The following GOLGA2 variants were observed in gnomAD, a reference collection of about 807,000 sequenced individuals.
GOLGA2 encodes golgin A2, also known as golgin subfamily A member 2.
A neutral mutation model predicts 148.8 loss-of-function variants in GOLGA2; 49 were observed. That is an observed-to-expected ratio of 0.33 (90% CI 0.26 to 0.42). GOLGA2 has a LOEUF of 0.42. Ranked by LOEUF, GOLGA2 falls within the 10% of genes least tolerant of loss-of-function variation. The pLI, the probability that GOLGA2 is intolerant of heterozygous loss-of-function variation, is 1.00. For missense variants in GOLGA2, 1,178 were observed against 1,304.6 expected, an observed-to-expected ratio of 0.90 and a Z score of 1.49; for synonymous variants, 501 against 511.8, an observed-to-expected ratio of 0.98 and a Z score of 0.28.
At position 128,263,040 on chromosome 9, in the gene GOLGA2, T is replaced by G. The variant is rs760564149; in HGVS notation, c.986A>C (p.Lys329Thr). The part of the protein sequence containing the change: ...ERDALRLELY[K>T]NTQSNEDLKQ... ...CCACCATCCCCCATCCTACGTGTTC[T>G]TGTATAACTCCAGCCTGAGGGCGTC... Residue 329 changes from lysine to threonine, a missense_variant, in exon 13 of 27, where the codon AAG becomes ACG. Coordinates refer to ENST00000611957, the MANE Select transcript of GOLGA2 (RefSeq NM_001366244.2). 6.2e-7 allele frequency: 1 copy of G among 1,605,974 alleles called. No homozygotes were observed. The highest frequency in any genetic ancestry group is 2.2e-5 in the East Asian group (1 of 44,834).
chr9:128,268,943 A>G (rs562689402), intron 3 of GOLGA2, among the ~76,000 whole-genome samples: 1 of 152,140 alleles, frequency 6.6e-6, no homozygotes, highest in South Asian at 2.1e-4. Flanking sequence ...GGTGATGAGG[A>G]AGTAGTTGTC....
chr9:128,264,491 G>C (rs111682691), intron 12 of GOLGA2, among the ~76,000 whole-genome samples: 5,487 of 151,884 alleles, frequency 0.036, 307 homozygotes, highest in African/African-American at 0.13. Flanking sequence ...GCAGTGGCAC[G>C]ATCTCAGCTC....
Position 128,260,474 on chromosome 9 carries a change from A to AAATC in GOLGA2, c.1745_1748dup (p.Phe583LeufsTer7). On this transcript the variant is annotated frameshift_variant, in exon 18 of 27. Transcript: ENST00000611957. LOFTEE classifies it high-confidence loss of function. The surrounding 1 kb of genome is among the most constrained non-coding windows in gnomAD (Gnocchi z 4.8). ...AGGTGGGGCAGCGCACCAGCTTTACAAATCCGCTCTGCAGCTCAGCCAGCT... is the reference window on the plus strand; with the variant it reads ...AGGTGGGGCAGCGCACCAGCTTTACAAATCAATCCGCTCTGCAGCTCAGCCAGCT... The AAATC allele has an allele frequency of 6.2e-7, 1 of 1,609,306 alleles. No individual in the cohort carries two copies. Among genetic ancestry groups the AAATC allele is most frequent in the Non-Finnish European group, 8.5e-7 (1 of 1,176,842 alleles).
At chr9:128,275,761 T>C in intron 1 of GOLGA2, 132 bp downstream of exon 1, 3 of 592,530 alleles carry the variant, frequency 5.1e-6, no homozygotes, top group Non-Finnish European at 8.7e-6. Context: ...AAGACTTTGG[T>C]GGAGGGAGCC....
rs1016094136 is a variant in GOLGA2 at position 128,258,837 on chromosome 9, T to C, written c.2173+170A>G. Reference sequence around the variant, plus strand: ...CACCCATCCTTAGGTAAGCTGGTAGTGCCCTGCTCCCAGGAAGTCACCATA... The same window carrying C: ...CACCCATCCTTAGGTAAGCTGGTAGCGCCCTGCTCCCAGGAAGTCACCATA... On this transcript the variant is annotated intron_variant, in intron 21 of 26. Coordinates refer to ENST00000611957, the MANE Select transcript of GOLGA2 (RefSeq NM_001366244.2). This position sits in a 1 kb window ranked among gnomAD's most constrained non-coding sequence, Gnocchi z 6.6. 4.4e-5 allele frequency: 28 copies of C among 634,958 alleles called. No individual in the cohort carries two copies. The highest frequency in any genetic ancestry group is 6.6e-5 in the Non-Finnish European group (24 of 361,422). 39.3% of individuals were successfully genotyped at this position (634,958 alleles called of 1,614,324 possible). A position where few individuals can be genotyped will look rare whatever the true frequency, so the allele number is the denominator to read the frequency against.
At position 128,259,065 on chromosome 9, in the gene GOLGA2, G is replaced by A; in HGVS notation, c.2115C>T (p.Ala705=). ...CCCGTAGCTGCTGATTCTGCTGGGT[G>A]GCAGCTTCCAGGCGCTCCTAAGGGG... ...LQETQERLEA[A]TQQNQQLRAQ... is the part of the protein sequence containing the mutation. Residue 705 remains alanine, a synonymous_variant, in exon 21 of 27, where the codon GCC becomes GCT. Transcript: ENST00000611957. The A allele has an allele frequency of 1.8e-5, 29 of 1,611,882 alleles. No individual in the cohort carries two copies. Among genetic ancestry groups the A allele is most frequent in the Non-Finnish European group, 2.4e-5 (28 of 1,179,014 alleles).
intron 3 of GOLGA2, among the ~76,000 whole-genome samples, chr9:128,269,905 C>T (rs1830828504): frequency 6.6e-6 from 1 of 152,168 alleles, no homozygotes; most frequent in Admixed American, 6.5e-5. Flanking sequence ...GCTGCCTTTG[C>T]ATCTTTGCAA....
intron 1 of GOLGA2, among the ~76,000 whole-genome samples, chr9:128,274,847 C>T (rs1831210178): frequency 6.6e-6 from 1 of 152,082 alleles, no homozygotes; most frequent in African/African-American, 2.4e-5. Context: ...CCGTATTTAT[C>T]CTGTGGCACT....
rs748491088 is a variant in GOLGA2 at position 128,261,437 on chromosome 9, GA to G, written c.1332+16del. 6.9e-6 allele frequency: 10 copies of G among 1,445,322 alleles called. No individual in the cohort carries two copies. In the East Asian group the frequency reaches 2.3e-4, roughly 33 times the overall value. The allele number at this position is 1,445,322 out of a possible 1,614,324, so 89.5% of individuals were successfully genotyped here. A position where few individuals can be genotyped will look rare whatever the true frequency, so the allele number is the denominator to read the frequency against. ...ACCTATCTAAGGTTGAGGGGGAGCT[GA>G]AGGGTCAGGTCTCACCTGCTCTGAC... On this transcript the variant is annotated intron_variant, in intron 16 of 26. Coordinates refer to ENST00000611957, the MANE Select transcript of GOLGA2 (RefSeq NM_001366244.2). This position sits in a 1 kb window ranked among gnomAD's most constrained non-coding sequence, Gnocchi z 5.7.
At position 128,265,640 on chromosome 9, in the gene GOLGA2, C is replaced by T; in HGVS notation, c.878G>A (p.Gly293Glu). The T allele has an allele frequency of 6.2e-7, 1 of 1,613,906 alleles. No individual in the cohort carries two copies. Among genetic ancestry groups the T allele is most frequent in the East Asian group, 2.2e-5 (1 of 44,884 alleles). Residue 293 changes from glycine to glutamate, a missense_variant, in exon 12 of 27, where the codon GGA becomes GAA. Transcript: ENST00000611957. Reference sequence around the variant, plus strand: ...AGCAGAGAGAGCCCGCTCCAACTCTCCCACACGCCGCCGGGAATACTGCAG... The same window carrying T: ...AGCAGAGAGAGCCCGCTCCAACTCTTCCACACGCCGCCGGGAATACTGCAG... ...SRLQYSRRRVGELERALSAVS... is the reference protein window; with the variant it reads ...SRLQYSRRRVEELERALSAVS...
Position 128,261,372 on chromosome 9 carries a change from G to A in GOLGA2, c.1332+82C>T, listed in dbSNP as rs779205969. On this transcript the variant is annotated intron_variant, in intron 16 of 26. Coordinates refer to ENST00000611957, the MANE Select transcript of GOLGA2 (RefSeq NM_001366244.2). This position sits in a 1 kb window ranked among gnomAD's most constrained non-coding sequence, Gnocchi z 5.7. ...CCCAGACCCATGACCACCTCTGGCTGTGCTCCTCCCATTTCGCAGATGCCC... is the reference window on the plus strand; with the variant it reads ...CCCAGACCCATGACCACCTCTGGCTATGCTCCTCCCATTTCGCAGATGCCC... 14 of 1,204,036 alleles carry A rather than the reference G, an allele frequency of 1.2e-5. No individual in the cohort carries two copies. The highest frequency in any genetic ancestry group is 1.5e-5 in the African/African-American group (1 of 66,486). 74.6% of individuals were successfully genotyped at this position (1,204,036 alleles called of 1,614,324 possible). A position where few individuals can be genotyped will look rare whatever the true frequency, so the allele number is the denominator to read the frequency against.
chr9:128,273,168 G>A (rs1831064315), intron 2 of GOLGA2, among the ~76,000 whole-genome samples: 1 of 152,144 alleles, frequency 6.6e-6, no homozygotes, highest in Non-Finnish European at 1.5e-5. Context: ...CAGGATGTGG[G>A]CAATGAATCT....
At chr9:128,275,604 C>A in intron 1 of GOLGA2, 2 of 895,888 alleles carry the variant, frequency 2.2e-6, no homozygotes, top group Non-Finnish European at 3.2e-6. Context: ...GACGCCAGCC[C>A]AAAGAGCCCA....
rs770612501 is a variant in GOLGA2, at chr9:128,265,961, TC to T, written c.732+8del. 1 of 1,611,526 alleles carries T rather than the reference TC, an allele frequency of 6.2e-7. No homozygotes were observed. Among genetic ancestry groups the T allele is most frequent in the South Asian group, 1.1e-5 (1 of 91,018 alleles). ...GAGGACAGGACGGAACTTCACACCC[TC>T]CACTCACCTGTAACTGCTCCCTTAG... On this transcript the variant is annotated splice_region_variant and intron_variant, in intron 10 of 26. Coordinates refer to ENST00000611957, the MANE Select transcript of GOLGA2 (RefSeq NM_001366244.2).
Position 128,268,457 on chromosome 9 carries a change from G to A in GOLGA2, c.356C>T (p.Ser119Phe). 4 of 1,611,550 alleles carry A rather than the reference G, an allele frequency of 2.5e-6. No homozygotes were observed. The South Asian group carries it at 3.3e-5, about 13-fold the overall frequency. Residue 119 changes from serine (S) to phenylalanine (F), a missense_variant, in exon 4 of 27, where the codon TCC becomes TTC. Ser to Phe is a radical substitution (Grantham distance 155). Transcript: ENST00000611957. The part of the protein sequence containing the change: ...DDTVLPGGVP[S>F]PGASLTSMAA... The stretch of plus-strand genomic sequence containing the variant: ...CATGCTAGTGAGACTGGCACCAGGG[G>A]AAGGGACACCGCCAGGTAACACGGT...
Position 128,257,595 on chromosome 9 carries a change from C to G in GOLGA2, c.2718+6G>C, listed in dbSNP as rs376828729. On this transcript the variant is annotated splice_donor_region_variant and intron_variant, in intron 25 of 26. Transcript: ENST00000611957. This position sits in a 1 kb window ranked among gnomAD's most constrained non-coding sequence, Gnocchi z 8.0. Reference sequence around the variant, plus strand: ...CCTCCACCCCCAGAGATGTTCCACACCCTACCTTCATCTCCTCCTTGTCTT... The same window carrying G: ...CCTCCACCCCCAGAGATGTTCCACAGCCTACCTTCATCTCCTCCTTGTCTT... The G allele has an allele frequency of 6.2e-6, 10 of 1,614,068 alleles. No individual in the cohort carries two copies. The South Asian group carries it at 6.6e-5, about 11-fold the overall frequency.
Position 128,273,872 on chromosome 9 carries a change from C to A in GOLGA2, c.185G>T (p.Gly62Val), listed in dbSNP as rs769164911. ...CACATCCTCAGGTGAGTGGCAACCA[C>A]CAGAAGTGGTTGTCTCAGGGTTACT... ...NGSNPETTTS[G>V]GCHSPEDIQD... is the part of the protein sequence containing the mutation. Residue 62 changes from glycine (G) to valine (V), a missense_variant, in exon 2 of 27, where the codon GGT becomes GTT. Gly to Val is a moderately radical substitution (Grantham distance 109). This residue lies in a region of GOLGA2 where 158 missense variants were observed against 156.6 expected (regional missense o/e 1.01). Coordinates refer to ENST00000611957, the MANE Select transcript of GOLGA2 (RefSeq NM_001366244.2). The A allele has an allele frequency of 1.2e-6, 2 of 1,613,986 alleles. No individual in the cohort carries two copies. The highest frequency in any genetic ancestry group is 2.7e-5 in the African/African-American group (2 of 74,920).
Position 128,261,967 on chromosome 9 carries a change from G to T in GOLGA2, c.1135-210C>A. The T allele has an allele frequency of 1.8e-6, 1 of 545,522 alleles. No individual in the cohort carries two copies. The highest frequency in any genetic ancestry group is 3.3e-6 in the Non-Finnish European group (1 of 306,254). 33.8% of individuals were successfully genotyped at this position (545,522 alleles called of 1,614,324 possible). ...GCCTGTAATCTCAACACTTTGGGAG[G>T]CTGAGGTGGGTGGATTGCTTGAGCT... is the stretch of plus-strand genomic sequence containing the variant. On this transcript the variant is annotated intron_variant, in intron 14 of 26. Coordinates refer to ENST00000611957, the MANE Select transcript of GOLGA2 (RefSeq NM_001366244.2). This position sits in a 1 kb window ranked among gnomAD's most constrained non-coding sequence, Gnocchi z 5.7.
rs367989119 is a variant in GOLGA2 at position 128,261,738 on chromosome 9, G to C, written c.1154C>G (p.Ala385Gly). Residue 385 changes from alanine to glycine, a missense_variant, in exon 15 of 27, where the codon GCC (alanine) becomes GGC (glycine). Ala to Gly is a moderately conservative substitution (Grantham distance 60, BLOSUM62 0). Coordinates refer to ENST00000611957, the MANE Select transcript of GOLGA2 (RefSeq NM_001366244.2). The surrounding 1 kb of genome is among the most constrained non-coding windows in gnomAD (Gnocchi z 5.7). ...LLQQFSSRCE[A>G]PDANQQLQQA... is the part of the protein sequence containing the mutation. ...CTGTAACTGCTGGTTAGCATCAGGG[G>C]CTTCACACCGGCTTGAAAACTGGAT... is the stretch of plus-strand genomic sequence containing the variant. The C allele has an allele frequency of 2.5e-6, 4 of 1,612,420 alleles. 1 individual carries two copies. The South Asian group carries it at 4.4e-5, about 18-fold the overall frequency.
Sources: allele counts gnomAD v4.1 joint callset (sites outside exome capture counted in the v4.1 genomes callset), GRCh38; gene constraint gnomAD v4.1.1; regional missense constraint gnomAD v4.1.1; non-coding constraint Gnocchi (gnomAD v3.1); transcripts MANE v1.5; gene names NCBI Gene and HGNC (gene_info 2026-07-23, HGNC 2026-07-21).